DAB1: variants seen among roughly 807,000 people sequenced by gnomAD.
DAB1 encodes disabled homolog 1.
In DAB1, 15 loss-of-function variants were observed where a neutral mutation model predicts 64.6. The observed-to-expected ratio is 0.23, with a 90% confidence interval of 0.16 to 0.36. DAB1 has a LOEUF of 0.36. DAB1 is among the 10% of genes least tolerant of loss of function. DAB1 has a pLI of 1.00. For missense variants in DAB1, 596 were observed against 706.7 expected (o/e 0.84, Z 1.78); for synonymous variants, 235 against 251.9 (o/e 0.93, Z 0.64).
intron 5 of DAB1, among the ~76,000 whole-genome samples, chr1:57,929,296 T>G (rs1307819274): frequency 6.6e-6 from 1 of 152,264 alleles, no homozygotes; most frequent in African/African-American, 2.4e-5. Flanking sequence ...GTGTTCTTAT[T>G]GAGTGTTAAG....
At chr1:58,296,597 T>C (rs1662002030) in intron 4 of DAB1, among the ~76,000 whole-genome samples, 2 of 152,238 alleles carry the variant, frequency 1.3e-5, no homozygotes, top group South Asian at 4.1e-4. Flanking sequence ...CTTGTGCTCT[T>C]CCTCAGTCCT....
chr1:57,457,555 C>T (rs938693030), intron 7 of DAB1, among the ~76,000 whole-genome samples: 23 of 152,092 alleles, frequency 1.5e-4, no homozygotes, highest in Admixed American at 1.5e-3. Flanking sequence ...ATTTGGCATT[C>T]TCAATGTATA....
chr1:57,556,253 C>A (rs1644986835), intron 7 of DAB1, among the ~76,000 whole-genome samples: 1 of 152,060 alleles, frequency 6.6e-6, no homozygotes, highest in Admixed American at 6.5e-5. Flanking sequence ...GTAGAAGTAT[C>A]TTTTTCGTAT....
rs542885728 is a variant in DAB1 at position 58,390,989 on chromosome 1, T to C, written n.258-47586A>G. ...ATATGTTATAATAACGCATTCGTCA[T>C]CTGAAAATTATCCTGGGAGGTAGGC... On this transcript the variant is annotated intron_variant and non_coding_transcript_variant, in intron 3 of 20. Transcript: ENST00000485760. Among the ~76,000 whole-genome samples, 5 of 152,296 alleles carry C rather than the reference T, an allele frequency of 3.3e-5. No individual in the cohort carries two copies. The South Asian group carries it at 1.0e-3, about 32-fold the overall frequency.
intron 4 of DAB1, among the ~76,000 whole-genome samples, chr1:58,222,326 T>C (rs1659217614): frequency 6.6e-6 from 1 of 152,130 alleles, no homozygotes; most frequent in Admixed American, 6.5e-5. Context: ...TCTCCTCCCA[T>C]CCTCTCATGG....
intron 1 of DAB1, among the ~76,000 whole-genome samples, chr1:57,396,481 A>G (rs1682818074): frequency 6.6e-6 from 1 of 152,198 alleles, no homozygotes; most frequent in Non-Finnish European, 1.5e-5. Flanking sequence ...TTAAGTTTCC[A>G]TCTTGGTAAT....
chr1:58,212,607 C>G (rs1180061423), intron 4 of DAB1, among the ~76,000 whole-genome samples: 1 of 152,160 alleles, frequency 6.6e-6, no homozygotes, highest in South Asian at 2.1e-4. Flanking sequence ...CCATCTCCCC[C>G]ACTCTTGAAG....
At chr1:57,586,447 T>G (rs1364879350) in intron 7 of DAB1, among the ~76,000 whole-genome samples, 2 of 148,704 alleles carry the variant, frequency 1.3e-5, no homozygotes, top group Non-Finnish European at 3.0e-5. Flanking sequence ...TTTTCTCTTT[T>G]CTTTTCTTTT....
At chr1:58,097,301 G>A (rs572659789) in intron 5 of DAB1, among the ~76,000 whole-genome samples, 13 of 152,254 alleles carry the variant, frequency 8.5e-5, no homozygotes, top group East Asian at 3.9e-4. Flanking sequence ...TTCACACCCC[G>A]GCCATCTGCT....
intron 1 of DAB1, among the ~76,000 whole-genome samples, chr1:57,388,836 A>C (rs3850549): frequency 0.43 from 65,403 of 151,926 alleles, 14,840 homozygotes; most frequent in African/African-American, 0.54. Flanking sequence ...TTCTTCACAG[A>C]ATACTGCTCC....
At chr1:58,163,189 A>C (rs1406063415) in intron 4 of DAB1, among the ~76,000 whole-genome samples, 6 of 152,224 alleles carry the variant, frequency 3.9e-5, no homozygotes, top group African/African-American at 1.4e-4. Flanking sequence ...AGAGGGAGCC[A>C]GTGGACAAAG....
chr1:57,271,300 C>T (rs1008143283), intron 2 of DAB1, among the ~76,000 whole-genome samples: 17 of 152,166 alleles, frequency 1.1e-4, no homozygotes, highest in African/African-American at 4.1e-4. Flanking sequence ...AGAAACAGAA[C>T]ATGACTGTAT....
At chr1:58,147,983 GAAA>G (rs58099365) in intron 5 of DAB1, among the ~76,000 whole-genome samples, 1 of 113,534 alleles carries the variant, frequency 8.8e-6, no homozygotes. Flanking sequence ...TATAGCTGGA[GAAA>G]AAAAAAAAAA....
chr1:57,735,609 G>GTTTTT (rs59456674), intron 6 of DAB1, among the ~76,000 whole-genome samples: 149 of 95,086 alleles, frequency 1.6e-3, no homozygotes, highest in Middle Eastern at 0.013. Flanking sequence ...CTGTTTGCTT[G>GTTTTT]TTTTTTTTTT....
intron 3 of DAB1, among the ~76,000 whole-genome samples, chr1:58,383,878 T>C (rs947501909): frequency 5.9e-5 from 9 of 152,336 alleles, no homozygotes; most frequent in African/African-American, 1.4e-4. Context: ...CTGACATCAA[T>C]TCATTGGATA....
At chr1:58,008,332 A>G (rs913094644) in intron 5 of DAB1, among the ~76,000 whole-genome samples, 7 of 152,150 alleles carry the variant, frequency 4.6e-5, no homozygotes, top group South Asian at 2.1e-4. Flanking sequence ...AATATAGGGT[A>G]AAGGTAAAAA....
chr1:57,266,293 C>T (rs1198932787), intron 2 of DAB1, among the ~76,000 whole-genome samples: 1 of 152,142 alleles, frequency 6.6e-6, no homozygotes, highest in Middle Eastern at 3.2e-3. Context: ...TGACATCTGG[C>T]TTTTGTTTCC....
intron 7 of DAB1, among the ~76,000 whole-genome samples, chr1:57,487,780 T>C (rs1026063218): frequency 1.2e-4 from 19 of 152,318 alleles, no homozygotes; most frequent in Non-Finnish European, 4.4e-5. Flanking sequence ...CACCAAAAGA[T>C]GCATTTCTCA....
At chr1:57,361,012 G>C (rs1570366953) in intron 1 of DAB1, among the ~76,000 whole-genome samples, 1 of 152,190 alleles carries the variant, frequency 6.6e-6, no homozygotes, top group East Asian at 1.9e-4. Flanking sequence ...AGTTAGGAGA[G>C]AGGCCCCCCT....
Sources: gnomAD v4.1 joint callset for allele counts (sites outside exome capture counted in the v4.1 genomes callset) on GRCh38, gnomAD v4.1.1 for gene constraint, MANE v1.5 for transcripts, NCBI Gene and HGNC (gene_info 2026-07-23, HGNC 2026-07-21) for gene names.